FOXP1: variants seen among roughly 807,000 people sequenced by gnomAD.
The protein encoded by FOXP1 is forkhead box P1.
Under a neutral mutation model 98.2 loss-of-function variants are expected in FOXP1, and 15 were observed. The observed-to-expected ratio is 0.15, with a 90% confidence interval of 0.10 to 0.24. The LOEUF is 0.24. FOXP1 is among the 10% of genes least tolerant of loss of function. The pLI is 1.00. For synonymous variants in FOXP1, 371 were observed against 314.5 expected (o/e 1.18, Z -1.90); for missense variants, 633 against 848.5 (o/e 0.75, Z 3.15).
intron 7 of FOXP1, among the ~76,000 whole-genome samples, chr3:71,111,423 G>A (rs1359273148): frequency 1.3e-5 from 2 of 152,136 alleles, no homozygotes; most frequent in East Asian, 1.9e-4. Flanking sequence ...TTGAGATGGA[G>A]TTTCACTCTT....
At chr3:71,432,447 G>C (rs750914644) in intron 3 of FOXP1, among the ~76,000 whole-genome samples, 1 of 151,932 alleles carries the variant, frequency 6.6e-6, no homozygotes, top group Non-Finnish European at 1.5e-5. Context: ...CACCCCTCCC[G>C]GGCCCTGGCC....
intron 5 of FOXP1, among the ~76,000 whole-genome samples, chr3:71,280,048 G>C (rs887965593): frequency 1.3e-5 from 2 of 148,532 alleles, no homozygotes; most frequent in African/African-American, 5.0e-5. Flanking sequence ...GCGTGAACCC[G>C]GAAGTCAGAG....
At chr3:71,294,651 A>G (rs542913735) in intron 5 of FOXP1, among the ~76,000 whole-genome samples, 3 of 152,258 alleles carry the variant, frequency 2.0e-5, no homozygotes, top group African/African-American at 7.2e-5. Flanking sequence ...AAATTACTAG[A>G]TTGGAGCAAC....
chr3:70,966,880 A>C (rs935142922), intron 19 of FOXP1, among the ~76,000 whole-genome samples: 3 of 152,234 alleles, frequency 2.0e-5, no homozygotes, highest in African/African-American at 7.2e-5. Flanking sequence ...TTCCTGTTAT[A>C]CTGCATTTGA....
intron 3 of FOXP1, among the ~76,000 whole-genome samples, chr3:71,462,517 T>C (rs991701843): frequency 2.6e-5 from 4 of 152,172 alleles, no homozygotes; most frequent in Admixed American, 6.5e-5. Context: ...TTCTCCTTCT[T>C]GGTAAGCTCC....
At chr3:71,065,087 C>T (rs1409844691) in intron 7 of FOXP1, among the ~76,000 whole-genome samples, 2 of 148,846 alleles carry the variant, frequency 1.3e-5, no homozygotes, top group Non-Finnish European at 3.0e-5. Flanking sequence ...CGCCCCGCGC[C>T]CGCGCGCCCC....
chr3:71,430,580 T>C (rs376558471), intron 3 of FOXP1, among the ~76,000 whole-genome samples: 6 of 152,270 alleles, frequency 3.9e-5, no homozygotes, highest in East Asian at 1.9e-4. Flanking sequence ...TTACCATTTA[T>C]TCTAGAAATT....
chr3:71,417,036 A>T (rs2083274807), intron 3 of FOXP1, among the ~76,000 whole-genome samples: 1 of 152,206 alleles, frequency 6.6e-6, no homozygotes. Flanking sequence ...CTCTGATAAA[A>T]ACAAATGTCC....
chr3:71,288,180 G>C (rs1327444963), intron 5 of FOXP1: 1 of 152,132 alleles, frequency 6.6e-6, no homozygotes, highest in East Asian at 1.9e-4. Flanking sequence ...ACGCAAGGCC[G>C]CTTCCTTTAT....
chr3:71,080,649 T>C (rs1053222895), intron 7 of FOXP1, among the ~76,000 whole-genome samples: 26 of 152,250 alleles, frequency 1.7e-4, no homozygotes, highest in African/African-American at 5.5e-4. Context: ...TCTGTACTGC[T>C]TTGACACATC....
chr3:70,999,840 T>A (rs1416243198), intron 13 of FOXP1, among the ~76,000 whole-genome samples: 1 of 152,226 alleles, frequency 6.6e-6, no homozygotes, highest in African/African-American at 2.4e-5. Context: ...TCTCCATATA[T>A]CTCAGCATCG....
chr3:71,193,825 G>A (rs532566098), intron 6 of FOXP1, among the ~76,000 whole-genome samples: 1 of 152,186 alleles, frequency 6.6e-6, no homozygotes, highest in South Asian at 2.1e-4. Flanking sequence ...CTTGCGTTCT[G>A]GGAAATGACT....
At chr3:71,467,368 A>G (rs572745414) in intron 3 of FOXP1, among the ~76,000 whole-genome samples, 1 of 152,332 alleles carries the variant, frequency 6.6e-6, no homozygotes, top group South Asian at 2.1e-4. Context: ...GGATGGGTAG[A>G]TGGATGAAAA....
chr3:71,311,180 C>A (rs1468376754), intron 4 of FOXP1, among the ~76,000 whole-genome samples: 2 of 152,144 alleles, frequency 1.3e-5, no homozygotes, highest in African/African-American at 4.8e-5. Flanking sequence ...GAACTAACTA[C>A]TAGACTCAAG....
intron 4 of FOXP1, among the ~76,000 whole-genome samples, chr3:71,329,266 G>A (rs1224089736): frequency 6.6e-6 from 1 of 151,508 alleles, no homozygotes; most frequent in Non-Finnish European, 1.5e-5. Flanking sequence ...CTGTCGCACA[G>A]GCTGGAGTGC....
intron 14 of FOXP1, among the ~76,000 whole-genome samples, chr3:70,983,117 A>T (rs1250147538): frequency 6.6e-6 from 1 of 152,188 alleles, no homozygotes; most frequent in Non-Finnish European, 1.5e-5. Context: ...GGGCAGGACA[A>T]TGGGTGGCAG....
At chr3:71,050,238 T>A (rs1024459687) in intron 9 of FOXP1, among the ~76,000 whole-genome samples, 1 of 152,218 alleles carries the variant, frequency 6.6e-6, no homozygotes, top group Non-Finnish European at 1.5e-5. Context: ...TATCCTTCTT[T>A]CTGCTGTGTA....
At chr3:71,301,072 C>T (rs1007295060) in intron 4 of FOXP1, among the ~76,000 whole-genome samples, 7 of 152,152 alleles carry the variant, frequency 4.6e-5, no homozygotes, top group Non-Finnish European at 7.4e-5. Context: ...GAAAAAGACG[C>T]AGGCTCTGAG....
intron 3 of FOXP1, among the ~76,000 whole-genome samples, chr3:71,364,909 A>C (rs1358887158): frequency 6.6e-6 from 1 of 152,250 alleles, no homozygotes; most frequent in Non-Finnish European, 1.5e-5. Flanking sequence ...ATATTTTACT[A>C]TCTTTTAGTC....
Sources: allele counts gnomAD v4.1 joint callset (sites outside exome capture counted in the v4.1 genomes callset), GRCh38; gene constraint gnomAD v4.1.1; transcripts MANE v1.5; gene names NCBI Gene and HGNC (gene_info 2026-07-23, HGNC 2026-07-21).